DAPL1: variants seen among roughly 807,000 people sequenced by gnomAD.
DAPL1 encodes death-associated protein-like 1.
DAPL1 carries 17 observed loss-of-function variants against 12.9 expected under a neutral mutation model. The ratio of observed to expected loss-of-function variants is 1.32; its 90% CI spans 0.90 to 1.98. The LOEUF is 1.98. Among genes scored for constraint, DAPL1 ranks in the 30% most tolerant of loss-of-function variants. The pLI, the probability that DAPL1 is intolerant of heterozygous loss-of-function variation, is 0.00. For missense variants in DAPL1, 157 were observed against 125.7 expected (o/e 1.25, Z -1.19); for synonymous variants, 51 against 42.0 (o/e 1.21, Z -0.82).
At chr2:158,797,732 G>A (rs62183690) in intron 1 of DAPL1, among the ~76,000 whole-genome samples, 32,083 of 151,830 alleles carry the variant, frequency 0.21, 4,471 homozygotes, top group Non-Finnish European at 0.32. Flanking sequence ...CAGAGATTGC[G>A]GTGAGCAGAG....
At chr2:158,801,283 A>G (rs539218827) in intron 1 of DAPL1, among the ~76,000 whole-genome samples, 89 of 152,330 alleles carry the variant, frequency 5.8e-4, no homozygotes, top group South Asian at 2.9e-3. Flanking sequence ...ACAGCACACT[A>G]TATATGAAAG....
intron 3 of DAPL1, 63 bp from the exon 4 acceptor site, chr2:158,815,642 G>C (rs1250651948): frequency 3.0e-6 from 3 of 1,012,194 alleles, no homozygotes; most frequent in Non-Finnish European, 4.7e-6. Context: ...CTTTCTACTA[G>C]TTTAATATTT....
chr2:158,795,345 A>AGCAATG lies in DAPL1; in HGVS notation c.-25_-24insATGGCA. On this transcript the variant is annotated 5_prime_UTR_variant, in exon 1 of 4. It adds an upstream start codon to the 5' untranslated region. Coordinates refer to ENST00000309950, the MANE Select transcript of DAPL1 (RefSeq NM_001017920.3). ...GCTGGCATTCAGCCTCCAGAGCACC[A>AGCAATG]GCACTGGCACTGGCACTGGCACACG... 6.4e-7 allele frequency: 1 copy of AGCAATG among 1,552,402 alleles called. No individual in the cohort carries two copies. Among genetic ancestry groups the AGCAATG allele is most frequent in the African/African-American group, 1.4e-5 (1 of 73,242 alleles).
At chr2:158,800,530 G>A (rs973251997) in intron 1 of DAPL1, among the ~76,000 whole-genome samples, 4 of 152,090 alleles carry the variant, frequency 2.6e-5, no homozygotes, top group African/African-American at 9.7e-5. Context: ...CCCATTGAAG[G>A]ACGTGGAGAC....
chr2:158,796,984 G>T (rs1664672062), intron 1 of DAPL1, among the ~76,000 whole-genome samples: 1 of 152,216 alleles, frequency 6.6e-6, no homozygotes, highest in Non-Finnish European at 1.5e-5. Context: ...TCATCCTTCA[G>T]CCTGTCTTGC....
chr2:158,804,490 G>A (rs1187533875), intron 2 of DAPL1, 121 bp downstream of exon 2: 4 of 673,486 alleles, frequency 5.9e-6, no homozygotes, highest in Non-Finnish European at 1.0e-5. Context: ...GAAGGGGGCA[G>A]GAGGGGGAGG....
intron 3 of DAPL1, among the ~76,000 whole-genome samples, chr2:158,810,942 T>C (rs1174973142): frequency 6.6e-6 from 1 of 152,232 alleles, no homozygotes; most frequent in Non-Finnish European, 1.5e-5. Context: ...TGCTCGTTCA[T>C]TTACTTTTAA....
rs1449325354 is a variant in DAPL1 at position 158,807,110 on chromosome 2, G to C, written c.202G>C (p.Glu68Gln). 6.2e-7 allele frequency: 1 copy of C among 1,609,138 alleles called. No individual in the cohort carries two copies. The highest frequency in any genetic ancestry group is 1.3e-5 in the African/African-American group (1 of 74,822). ...QTLDALNDALEKLNYKFPATV... is the reference protein window; with the variant it reads ...QTLDALNDALQKLNYKFPATV... ...ACTGGATGCCCTGAATGACGCACTGGAGAAGGTGAGCCGTGGGCAAATCAC... is the reference window on the plus strand; with the variant it reads ...ACTGGATGCCCTGAATGACGCACTGCAGAAGGTGAGCCGTGGGCAAATCAC... The change falls in exon 3 of 4, where the codon GAG becomes CAG. Residue 68 changes from glutamate to glutamine, a missense_variant. Physicochemically the swap from Glu to Gln is conservative, Grantham distance 29. Coordinates refer to ENST00000309950, the MANE Select transcript of DAPL1 (RefSeq NM_001017920.3).
chr2:158,803,840 G>C (rs897941797), intron 1 of DAPL1, among the ~76,000 whole-genome samples: 5 of 152,050 alleles, frequency 3.3e-5, no homozygotes, highest in African/African-American at 1.2e-4. Flanking sequence ...TCAGAATCTG[G>C]CTTTTGAAAG....
At chr2:158,809,748 C>T (rs1385352544) in intron 3 of DAPL1, among the ~76,000 whole-genome samples, 1 of 152,080 alleles carries the variant, frequency 6.6e-6, no homozygotes, top group South Asian at 2.1e-4. Context: ...ACTTGGAATC[C>T]CAGGTAAAGC....
chr2:158,815,736 T>C lies in DAPL1; in HGVS notation c.239T>C (p.Met80Thr), dbSNP rs759499986. 63 of 1,613,788 alleles carry C rather than the reference T, an allele frequency of 3.9e-5. 1 individual carries two copies. The highest frequency in any genetic ancestry group is 5.3e-5 in the African/African-American group (4 of 74,924). ...TATAAATTTCCAGCAACAGTGCACA[T>C]GGCGCATCAAAAACCCACACCTGCT... is the stretch of plus-strand genomic sequence containing the variant. ...LNYKFPATVH[M>T]AHQKPTPALE... is the part of the protein sequence containing the mutation. The change falls in exon 4 of 4, where the codon ATG (methionine) becomes ACG (threonine). Residue 80 changes from methionine to threonine, a missense_variant. By Grantham distance (81) the Met-to-Thr change is moderately conservative. Transcript: ENST00000309950.
intron 3 of DAPL1, among the ~76,000 whole-genome samples, chr2:158,814,642 C>T (rs1179474610): frequency 2.0e-5 from 3 of 152,174 alleles, no homozygotes; most frequent in Non-Finnish European, 2.9e-5. Flanking sequence ...TGGGCAGAGA[C>T]ATTTGAGAAG....
At chr2:158,813,586 T>C (rs1160856794) in intron 3 of DAPL1, among the ~76,000 whole-genome samples, 2 of 148,666 alleles carry the variant, frequency 1.3e-5, no homozygotes, top group East Asian at 1.9e-4. Flanking sequence ...GATGGAGTCT[T>C]GCTCTGTCGC....
chr2:158,798,627 AAGCCACAC>A (rs1414341203), intron 1 of DAPL1, among the ~76,000 whole-genome samples: 1 of 152,094 alleles, frequency 6.6e-6, no homozygotes, highest in Non-Finnish European at 1.5e-5. Flanking sequence ...GACTTGCCGA[AAGCCACAC>A]AGCTAGTGGG....
rs1168883944 is a variant in DAPL1, at chr2:158,801,280, A to G, written c.59-3002A>G. On this transcript the variant is annotated intron_variant, in intron 1 of 3. Transcript: ENST00000309950. ...ACTAACAAGAAAATAATTACAGCAC[A>G]CTATATATGAAAGGCACTTGTCATA... 2.6e-5 allele frequency among the ~76,000 whole-genome samples: 4 copies of G among 152,228 alleles called. No individual in the cohort carries two copies. The South Asian group carries it at 6.2e-4, about 24-fold the overall frequency.
At chr2:158,800,132 G>A (rs1225625506) in intron 1 of DAPL1, among the ~76,000 whole-genome samples, 1 of 151,312 alleles carries the variant, frequency 6.6e-6, no homozygotes. Context: ...CAAAGAGAAA[G>A]AAGTGATGGA....
At chr2:158,808,309 G>T (rs2059212913) in intron 3 of DAPL1, among the ~76,000 whole-genome samples, 1 of 152,188 alleles carries the variant, frequency 6.6e-6, no homozygotes, top group Non-Finnish European at 1.5e-5. Context: ...ATATGGCCTT[G>T]AGCAAGTTAT....
intron 3 of DAPL1, among the ~76,000 whole-genome samples, chr2:158,810,465 T>C (rs1010280834): frequency 6.6e-6 from 1 of 152,200 alleles, no homozygotes; most frequent in East Asian, 1.9e-4. Context: ...CTCCTCTCCA[T>C]AGGAACTCAT....
intron 2 of DAPL1, 132 bp from the exon 3 acceptor site, chr2:158,806,923 C>T: frequency 1.7e-6 from 1 of 604,718 alleles, no homozygotes; most frequent in Non-Finnish European, 3.0e-6. Context: ...GAGGCAAAAT[C>T]TGTGTCTTCT....
Sources: allele counts gnomAD v4.1 joint callset (sites outside exome capture counted in the v4.1 genomes callset), GRCh38; gene constraint gnomAD v4.1.1; transcripts MANE v1.5; gene names NCBI Gene and HGNC (gene_info 2026-07-23, HGNC 2026-07-21).